ZNF346: variants seen among roughly 807,000 people sequenced by gnomAD.
The protein encoded by ZNF346 is double-stranded RNA-binding zinc finger protein JAZ.
Under a neutral mutation model 33.7 loss-of-function variants are expected in ZNF346, and 23 were observed. The ratio of observed to expected loss-of-function variants is 0.68; its 90% CI spans 0.49 to 0.97. The LOEUF (loss-of-function observed/expected upper bound fraction) is 0.97, where lower values mean the gene tolerates loss of function less well. Ranked by LOEUF, ZNF346 falls within the 50% of genes least tolerant of loss-of-function variation. The probability of loss-of-function intolerance (pLI) is 0.00; values close to 1 mark genes in which losing one functional copy is unlikely to be tolerated. For missense variants in ZNF346, 340 were observed against 371.1 expected (o/e 0.92, Z 0.69); for synonymous variants, 134 against 142.4 (o/e 0.94, Z 0.42).
chr5:177,041,037 T>A (rs1204240400), intron 1 of ZNF346, 89 bp from the exon 2 acceptor site: 2 of 980,638 alleles, frequency 2.0e-6, no homozygotes, highest in Non-Finnish European at 3.2e-6. Context: ...ATCCCATCAT[T>A]CAGTGCCTGT....
At chr5:177,038,144 A>G (rs1191095369) in intron 1 of ZNF346, among the ~76,000 whole-genome samples, 2 of 149,202 alleles carry the variant, frequency 1.3e-5, no homozygotes, top group Admixed American at 6.7e-5. Context: ...GCTGGAGTGC[A>G]GTGGCACATT....
chr5:177,073,995 C>CGACCACAGACCAGGTAGAGAGAG (rs1562050623), intron 8 of ZNF346, among the ~76,000 whole-genome samples: 1 of 152,070 alleles, frequency 6.6e-6, no homozygotes, highest in Non-Finnish European at 1.5e-5. Flanking sequence ...GACCATGTGG[C>CGACCACAGACCAGGTAGAGAGAG]GACCACAGAC....
intron 3 of ZNF346, among the ~76,000 whole-genome samples, chr5:177,043,741 G>A (rs940386607): frequency 8.6e-5 from 13 of 152,006 alleles, no homozygotes; most frequent in African/African-American, 2.9e-4. Context: ...TCCAGCCTGG[G>A]CAACAGAGTG....
rs117091888 is a variant in ZNF346 at position 177,055,041 on chromosome 5, T to G, written c.703+4105T>G. 5.3e-3 allele frequency among the ~76,000 whole-genome samples: 809 copies of G among 151,306 alleles called. 14 individuals are homozygous for G. In the East Asian group the frequency reaches 0.055, roughly 10 times the overall value. ...ACATTTACAAATACGTAGGTTTTTT[T>G]TTTTTTTTTTGAGACAGAGTCTCAT... On this transcript the variant is annotated intron_variant, in intron 5 of 6. Coordinates refer to ENST00000358149, the MANE Select transcript of ZNF346 (RefSeq NM_012279.4).
chr5:177,076,314 T>C (rs1399125445), intron 8 of ZNF346, among the ~76,000 whole-genome samples: 1 of 152,262 alleles, frequency 6.6e-6, no homozygotes, highest in Admixed American at 6.5e-5. Context: ...CTTCTACCAA[T>C]GACAAAGATT....
At chr5:177,034,449 A>G (rs1234222562) in intron 1 of ZNF346, among the ~76,000 whole-genome samples, 1 of 150,812 alleles carries the variant, frequency 6.6e-6, no homozygotes, top group African/African-American at 2.4e-5. Flanking sequence ...TGGTTCTTGA[A>G]CTCCTGGGCT....
chr5:177,027,586 CA>C (rs1282201135), intron 1 of ZNF346, among the ~76,000 whole-genome samples: 13,796 of 64,714 alleles, frequency 0.21, 1,166 homozygotes, highest in African/African-American at 0.39. Flanking sequence ...GACTTTGTCT[CA>C]AAAAAAAAAA....
chr5:177,036,404 G>A (rs1778517301), intron 1 of ZNF346, among the ~76,000 whole-genome samples: 1 of 152,184 alleles, frequency 6.6e-6, no homozygotes, highest in Non-Finnish European at 1.5e-5. Flanking sequence ...GATTCAACAA[G>A]ATCTTGTTCT....
At chr5:177,025,598 T>C (rs150335107) in intron 1 of ZNF346, among the ~76,000 whole-genome samples, 1,732 of 150,996 alleles carry the variant, frequency 0.011, 11 homozygotes, top group South Asian at 0.025. Flanking sequence ...GGGCATGTAG[T>C]GATATCTCAT....
downstream of ZNF346, among the ~76,000 whole-genome samples, chr5:177,071,414 C>A (rs1166909287): frequency 6.6e-6 from 1 of 151,396 alleles, no homozygotes; most frequent in Non-Finnish European, 1.5e-5. Context: ...GCGCCAGGCG[C>A]GGTGGCTCAC....
Position 177,064,839 on chromosome 5 carries a change from G to A in ZNF346, c.*240G>A, listed in dbSNP as rs900276045. The A allele has an allele frequency of 7.8e-6, 4 of 511,556 alleles. No individual in the cohort carries two copies. Among genetic ancestry groups the A allele is most frequent in the Admixed American group, 3.3e-5 (1 of 30,258 alleles). The allele number at this position is 511,556 out of a possible 1,614,324, so 31.7% of individuals were successfully genotyped here. A position where few individuals can be genotyped will look rare whatever the true frequency, so the allele number is the denominator to read the frequency against. On this transcript the variant is annotated 3_prime_UTR_variant, in exon 7 of 7. Transcript: ENST00000358149. Reference sequence around the variant, plus strand: ...AGGGTATTGAGAGACTCGGGGTCTCGCGGGGTGGTAGTTTGGAGGGTGGCT... The same window carrying A: ...AGGGTATTGAGAGACTCGGGGTCTCACGGGGTGGTAGTTTGGAGGGTGGCT...
chr5:177,038,273 G>T (rs114475774), intron 1 of ZNF346, among the ~76,000 whole-genome samples: 42,181 of 132,892 alleles, frequency 0.32, 7,746 homozygotes, highest in African/African-American at 0.52. Flanking sequence ...TTTTTTGTGT[G>T]TGTGTGTTTT....
intron 1 of ZNF346, among the ~76,000 whole-genome samples, chr5:177,030,336 C>G (rs940503463): frequency 6.6e-6 from 1 of 151,840 alleles, no homozygotes; most frequent in African/African-American, 2.4e-5. Context: ...TGTAGTGCAA[C>G]TGGGCTGGGG....
rs1581752076 is a variant in ZNF346 at position 177,023,019 on chromosome 5, C to A, written c.175+106C>A. On this transcript the variant is annotated intron_variant, in intron 1 of 6. Coordinates refer to ENST00000358149, the MANE Select transcript of ZNF346 (RefSeq NM_012279.4). ...ACCCCCTGGCCCGCCTCCTTGCGTG[C>A]TGCGCCCCGGGACCCCCAGACTTGT... The A allele has an allele frequency of 4.2e-6, 6 of 1,437,476 alleles. No individual in the cohort carries two copies. In the East Asian group the frequency reaches 7.5e-5, roughly 18 times the overall value. 89.0% of individuals were successfully genotyped at this position (1,437,476 alleles called of 1,614,324 possible).
Position 177,028,496 on chromosome 5 carries a change from T to TATATATATATA in ZNF346, c.175+5583_175+5584insATATATATATA, listed in dbSNP as rs1554142623. On this transcript the variant is annotated intron_variant, in intron 1 of 6. Transcript: ENST00000358149. The stretch of plus-strand genomic sequence containing the variant: ...TTCTCTCTTAAGCACTTGTGACGTT[T>TATATATATATA]TATATATATATATATATATATATAT... Among the ~76,000 whole-genome samples the TATATATATATA allele has an allele frequency of 4.8e-3, 437 of 90,494 alleles. 3 individuals carry two copies. Among genetic ancestry groups the TATATATATATA allele is most frequent in the Middle Eastern group, 0.027 (4 of 148 alleles). 59.4% of individuals were successfully genotyped at this position (90,494 alleles called of 152,430 possible). A position where few individuals can be genotyped will look rare whatever the true frequency, so the allele number is the denominator to read the frequency against.
intron 4 of ZNF346, among the ~76,000 whole-genome samples, chr5:177,048,438 A>G (rs1369456962): frequency 6.6e-6 from 1 of 152,264 alleles, no homozygotes; most frequent in East Asian, 1.9e-4. Context: ...CCTGACCAAC[A>G]TGGAGAAACC....
chr5:177,055,825 C>T (rs1781595858), intron 5 of ZNF346, among the ~76,000 whole-genome samples: 1 of 152,008 alleles, frequency 6.6e-6, no homozygotes, highest in African/African-American at 2.4e-5. Context: ...CCTCTAATCC[C>T]AGCACTTTGG....
chr5:177,041,431 AT>A (rs1355654829), intron 2 of ZNF346, among the ~76,000 whole-genome samples: 2 of 152,156 alleles, frequency 1.3e-5, no homozygotes. Flanking sequence ...TTATATGTGT[AT>A]CTTCCCTTGC....
chr5:177,059,438 G>A (rs987479139), intron 5 of ZNF346, among the ~76,000 whole-genome samples: 1 of 152,136 alleles, frequency 6.6e-6, no homozygotes, highest in Non-Finnish European at 1.5e-5. Context: ...ATCCCACCAG[G>A]GGCAAATGCA....
Sources: gnomAD v4.1 joint callset for allele counts (sites outside exome capture counted in the v4.1 genomes callset) on GRCh38, gnomAD v4.1.1 for gene constraint, MANE v1.5 for transcripts, NCBI Gene and HGNC (gene_info 2026-07-23, HGNC 2026-07-21) for gene names.